Variants in CDH12 observed in about 807,000 individuals in gnomAD.
The protein encoded by CDH12 is cadherin 12.
In CDH12, 41 loss-of-function variants were observed where a neutral mutation model predicts 74.1. That is an observed-to-expected ratio of 0.55 (90% CI 0.43 to 0.72). The LOEUF is 0.72. Among genes scored for constraint, CDH12 ranks in the 30% least tolerant of loss-of-function variants. The pLI is 0.00. For missense variants in CDH12, 945 were observed against 977.2 expected (o/e 0.97, Z 0.44); for synonymous variants, 399 against 355.0 (o/e 1.12, Z -1.39).
At chr5:22,727,779 C>G (rs971842367) in intron 1 of CDH12, among the ~76,000 whole-genome samples, 2 of 151,554 alleles carry the variant, frequency 1.3e-5, no homozygotes, top group South Asian at 2.1e-4. Flanking sequence ...TCCATAGTCT[C>G]TGGCTTCTAT....
chr5:21,854,511 T>G (rs183348442), intron 7 of CDH12, among the ~76,000 whole-genome samples, 160 bp downstream of exon 7: 1 of 151,876 alleles, frequency 6.6e-6, no homozygotes, highest in Non-Finnish European at 1.5e-5. Flanking sequence ...ATGGAGATCG[T>G]TCTTCAGCAG....
chr5:22,454,920 C>T (rs1745203256), intron 2 of CDH12, among the ~76,000 whole-genome samples: 1 of 152,132 alleles, frequency 6.6e-6, no homozygotes, highest in African/African-American at 2.4e-5. Flanking sequence ...CTGGAAGGAA[C>T]ACAAACATTC....
intron 1 of CDH12, among the ~76,000 whole-genome samples, chr5:22,552,869 G>GA (rs1738638221): frequency 6.6e-6 from 1 of 152,114 alleles, no homozygotes; most frequent in Non-Finnish European, 1.5e-5. Context: ...ATATGAGAGA[G>GA]AAAGAGAAAG....
intron 1 of CDH12, among the ~76,000 whole-genome samples, chr5:22,642,384 C>T (rs764985627): frequency 2.6e-5 from 4 of 152,182 alleles, no homozygotes; most frequent in Non-Finnish European, 5.9e-5. Flanking sequence ...CTTTCTGCTT[C>T]ATTTGGTCTG....
At chr5:22,049,566 C>T (rs1740206435) in intron 5 of CDH12, among the ~76,000 whole-genome samples, 1 of 152,080 alleles carries the variant, frequency 6.6e-6, no homozygotes, top group South Asian at 2.1e-4. Context: ...CATCTAACTT[C>T]CTACTGGTTT....
chr5:22,484,749 C>T (rs1476385739), intron 2 of CDH12, among the ~76,000 whole-genome samples: 1 of 152,346 alleles, frequency 6.6e-6, no homozygotes, highest in South Asian at 2.1e-4. Flanking sequence ...GTGAGTCTCA[C>T]AGAAATTAGG....
At chr5:22,683,639 A>G (rs1741613562) in intron 1 of CDH12, among the ~76,000 whole-genome samples, 1 of 152,212 alleles carries the variant, frequency 6.6e-6, no homozygotes, top group Non-Finnish European at 1.5e-5. Context: ...CTAAGTGCCT[A>G]AAATAAATCA....
chr5:22,210,700 T>C (rs984178343), intron 4 of CDH12, among the ~76,000 whole-genome samples: 3 of 151,922 alleles, frequency 2.0e-5, no homozygotes, highest in African/African-American at 7.2e-5. Context: ...AAAAAGTTCA[T>C]TGGGTCTGAT....
chr5:21,955,468 T>TCGAA (rs1756054316), intron 6 of CDH12, among the ~76,000 whole-genome samples: 1 of 152,046 alleles, frequency 6.6e-6, no homozygotes, highest in African/African-American at 2.4e-5. Flanking sequence ...GATTGCACAC[T>TCGAA]TAAAACACCT....
At chr5:21,892,224 TATTA>T (rs947789093) in intron 6 of CDH12, among the ~76,000 whole-genome samples, 3 of 152,300 alleles carry the variant, frequency 2.0e-5, no homozygotes, top group Admixed American at 6.5e-5. Flanking sequence ...TGGTTTTGTT[TATTA>T]ATTGATATGC....
intron 1 of CDH12, among the ~76,000 whole-genome samples, chr5:22,778,775 T>G (rs1747237364): frequency 6.6e-6 from 1 of 152,148 alleles, no homozygotes; most frequent in South Asian, 2.1e-4. Flanking sequence ...TTGGTTGAAA[T>G]ATAGTTTTCT....
intron 3 of CDH12, among the ~76,000 whole-genome samples, chr5:22,391,653 A>AT (rs892154170): frequency 1.4e-4 from 21 of 151,608 alleles, no homozygotes; most frequent in South Asian, 6.2e-4. Flanking sequence ...TAAATAACTG[A>AT]TTTTTTTTTA....
At chr5:22,298,474 GCTTTCTA>G (rs1202343664) in intron 3 of CDH12, among the ~76,000 whole-genome samples, 1 of 151,868 alleles carries the variant, frequency 6.6e-6, no homozygotes, top group Non-Finnish European at 1.5e-5. Context: ...ATAAAATGTG[GCTTTCTA>G]CTTTCTACTC....
chr5:21,862,667 C>G (rs1751107088), intron 6 of CDH12, among the ~76,000 whole-genome samples: 1 of 152,096 alleles, frequency 6.6e-6, no homozygotes, highest in African/African-American at 2.4e-5. Context: ...AATGCTACTT[C>G]TAGCATGACA....
chr5:21,881,959 T>A (rs978796956), intron 6 of CDH12, among the ~76,000 whole-genome samples: 2 of 152,226 alleles, frequency 1.3e-5, no homozygotes, highest in Non-Finnish European at 2.9e-5. Flanking sequence ...AGGCTGTGAA[T>A]GTAGATGCAT....
chr5:22,498,889 CTTTTTCTGTTTCT>C (rs1747216427), intron 2 of CDH12, among the ~76,000 whole-genome samples: 1 of 133,944 alleles, frequency 7.5e-6, no homozygotes, highest in Non-Finnish European at 1.6e-5. Flanking sequence ...TCTTCTTTTT[CTTTTTCTGTTTCT>C]TTTTTTTTTT....
intron 1 of CDH12, among the ~76,000 whole-genome samples, chr5:22,813,860 G>C (rs1749263964): frequency 6.6e-6 from 1 of 152,074 alleles, no homozygotes; most frequent in Non-Finnish European, 1.5e-5. Flanking sequence ...CCAATATCTT[G>C]ATTGCAGCTT....
intron 5 of CDH12, among the ~76,000 whole-genome samples, chr5:22,020,986 G>A (rs1167420536): frequency 6.6e-6 from 1 of 152,054 alleles, no homozygotes; most frequent in Non-Finnish European, 1.5e-5. Flanking sequence ...ATATCATACT[G>A]GACCAGGGAG....
intron 4 of CDH12, among the ~76,000 whole-genome samples, chr5:22,156,035 T>A (rs1197944685): frequency 6.6e-6 from 1 of 152,148 alleles, no homozygotes; most frequent in Non-Finnish European, 1.5e-5. Context: ...GGTGGAGCCA[T>A]GCAGGTTTGC....
Sources: allele counts gnomAD v4.1 joint callset (sites outside exome capture counted in the v4.1 genomes callset), GRCh38; gene constraint gnomAD v4.1.1; transcripts MANE v1.5; gene names NCBI Gene and HGNC (gene_info 2026-07-23, HGNC 2026-07-21).